NXPH1: variants seen among roughly 807,000 people sequenced by gnomAD.
NXPH1 encodes the protein neurexophilin-1.
In NXPH1, 5 loss-of-function variants were observed where a neutral mutation model predicts 23.7. That is an observed-to-expected ratio of 0.21 (90% confidence interval 0.11 to 0.44). NXPH1 has a LOEUF of 0.44. Ranked by LOEUF, NXPH1 falls within the 20% of genes least tolerant of loss-of-function variation. The probability of loss-of-function intolerance (pLI) is 0.99; values close to 1 mark genes in which losing one functional copy is unlikely to be tolerated. For missense variants in NXPH1, 324 were observed against 321.6 expected, an observed-to-expected ratio of 1.01 and a Z score of -0.06; for synonymous variants, 144 against 122.2, an observed-to-expected ratio of 1.18 and a Z score of -1.18.
chr7:8,498,757 G>C (rs1235930577), intron 2 of NXPH1, among the ~76,000 whole-genome samples: 2 of 151,958 alleles, frequency 1.3e-5, no homozygotes, highest in Non-Finnish European at 2.9e-5. Context: ...AAGTCCTAGG[G>C]GAAATATCTA....
intron 2 of NXPH1, among the ~76,000 whole-genome samples, chr7:8,485,070 T>C (rs571698678): frequency 1.3e-5 from 2 of 152,288 alleles, no homozygotes; most frequent in Admixed American, 1.3e-4. Context: ...ATTATGCCTC[T>C]TCTAACGTAA....
chr7:8,645,638 G>A (rs1020151515), intron 2 of NXPH1, among the ~76,000 whole-genome samples: 22 of 151,614 alleles, frequency 1.5e-4, no homozygotes, highest in African/African-American at 5.1e-4. Flanking sequence ...TTTCATCATG[G>A]TTTGGGCTTT....
rs534219294 is a variant in NXPH1, at chr7:8,511,007, C to G, written c.54+75240C>G. Among the ~76,000 whole-genome samples, 5 of 152,092 alleles carry G rather than the reference C, an allele frequency of 3.3e-5. 1 individual carries two copies. In the East Asian group the frequency reaches 9.7e-4, roughly 30 times the overall value. The stretch of plus-strand genomic sequence containing the variant: ...CTTCTCTGCTTCCCTGACCTTGGAT[C>G]AATAAAGGAGGGGTCAAAGTAGATG... On this transcript the variant is annotated intron_variant, in intron 2 of 2. Transcript: ENST00000405863.
chr7:8,553,302 A>C (rs777281373), intron 2 of NXPH1, among the ~76,000 whole-genome samples: 1 of 150,956 alleles, frequency 6.6e-6, no homozygotes, highest in Non-Finnish European at 1.5e-5. Context: ...CTTTTAATGA[A>C]AGTTCCAATT....
At chr7:8,526,864 T>A (rs2128616707) in intron 2 of NXPH1, among the ~76,000 whole-genome samples, 1 of 152,262 alleles carries the variant, frequency 6.6e-6, no homozygotes, top group Non-Finnish European at 1.5e-5. Flanking sequence ...CAGACTAATA[T>A]AATGTCTCAG....
chr7:8,471,497 A>T (rs879025872), intron 2 of NXPH1, among the ~76,000 whole-genome samples: 6 of 152,264 alleles, frequency 3.9e-5, no homozygotes, highest in Admixed American at 3.9e-4. Flanking sequence ...TGCTGAATCA[A>T]TGGCTGCTTT....
Position 8,435,376 on chromosome 7 carries a change from G to T in NXPH1, c.-110-228G>T, listed in dbSNP as rs12702750. The T allele has an allele frequency of 1.2e-5, 5 of 411,666 alleles. No individual in the cohort carries two copies. The highest frequency in any genetic ancestry group is 2.2e-5 in the Non-Finnish European group (5 of 224,976). 25.5% of individuals were successfully genotyped at this position (411,666 alleles called of 1,614,324 possible). On this transcript the variant is annotated intron_variant, in intron 1 of 2. Coordinates refer to ENST00000405863, the MANE Select transcript of NXPH1 (RefSeq NM_152745.3). This position sits in a 1 kb window ranked among gnomAD's most constrained non-coding sequence, Gnocchi z 5.9. ...AACTCGCACCCGAGGAGCGCAGGGG[G>T]CAAGGAGCCCCTCACCCTCCCTCTC...
intron 2 of NXPH1, among the ~76,000 whole-genome samples, chr7:8,729,538 T>C (rs1486109659): frequency 7.8e-6 from 1 of 128,046 alleles, no homozygotes; most frequent in Non-Finnish European, 1.6e-5. Context: ...TGGTATGTTG[T>C]GTCTTTGTTC....
At chr7:8,698,956 A>G (rs1341497372) in intron 2 of NXPH1, among the ~76,000 whole-genome samples, 1 of 152,144 alleles carries the variant, frequency 6.6e-6, no homozygotes, top group Non-Finnish European at 1.5e-5. Flanking sequence ...ATTGTAGTAG[A>G]GTATGCTGCT....
At chr7:8,579,846 C>T (rs571516100) in intron 2 of NXPH1, among the ~76,000 whole-genome samples, 2 of 152,296 alleles carry the variant, frequency 1.3e-5, no homozygotes, top group East Asian at 1.9e-4. Context: ...ATAGCCATCC[C>T]TATTAAATCC....
chr7:8,484,695 A>G (rs1256136445), intron 2 of NXPH1, among the ~76,000 whole-genome samples: 3 of 152,208 alleles, frequency 2.0e-5, no homozygotes, highest in Non-Finnish European at 4.4e-5. Context: ...ACTTTTGAGA[A>G]GTAGTAATAG....
chr7:8,571,021 CTAAT>C (rs1562406465), intron 2 of NXPH1, among the ~76,000 whole-genome samples: 12 of 1,646 alleles, frequency 7.3e-3, no homozygotes, highest in Non-Finnish European at 0.011. Flanking sequence ...GTCTGTCTAT[CTAAT>C]CTAATCTAAT....
At chr7:8,510,102 T>C (rs531552686) in intron 2 of NXPH1, among the ~76,000 whole-genome samples, 5 of 152,248 alleles carry the variant, frequency 3.3e-5, no homozygotes, top group South Asian at 4.1e-4. Context: ...TCTCTCAAGA[T>C]GGCTGGGAAA....
chr7:8,615,451 A>G (rs752524163), intron 2 of NXPH1, among the ~76,000 whole-genome samples: 5 of 152,050 alleles, frequency 3.3e-5, no homozygotes, highest in Admixed American at 3.3e-4. Context: ...TAAGCTTTCA[A>G]TAGATGTTAG....
intron 2 of NXPH1, among the ~76,000 whole-genome samples, chr7:8,656,125 T>G (rs1246807909): frequency 6.6e-6 from 1 of 152,222 alleles, no homozygotes; most frequent in Non-Finnish European, 1.5e-5. Context: ...TGGCTTCAGT[T>G]TATGTTTACA....
At chr7:8,739,787 T>C (rs1265249942) in intron 2 of NXPH1, among the ~76,000 whole-genome samples, 1 of 152,192 alleles carries the variant, frequency 6.6e-6, no homozygotes, top group African/African-American at 2.4e-5. Context: ...TTCTATAAAC[T>C]TTTTCTATTT....
At chr7:8,521,325 A>G (rs1817767945) in intron 2 of NXPH1, among the ~76,000 whole-genome samples, 1 of 152,182 alleles carries the variant, frequency 6.6e-6, no homozygotes. Context: ...GGGCTCATCT[A>G]CATCCAGTTT....
chr7:8,490,165 A>G (rs1470459901), intron 2 of NXPH1, among the ~76,000 whole-genome samples: 1 of 152,074 alleles, frequency 6.6e-6, no homozygotes, highest in Non-Finnish European at 1.5e-5. Context: ...CCAAATATTT[A>G]AATGCTTTTC....
intron 2 of NXPH1, among the ~76,000 whole-genome samples, chr7:8,652,833 G>A (rs10235610): frequency 6.6e-6 from 1 of 152,122 alleles, no homozygotes; most frequent in Non-Finnish European, 1.5e-5. Flanking sequence ...CCAACTATGA[G>A]TAACAATTCA....
Sources: allele counts gnomAD v4.1 joint callset (sites outside exome capture counted in the v4.1 genomes callset), GRCh38; gene constraint gnomAD v4.1.1; non-coding constraint Gnocchi (gnomAD v3.1); transcripts MANE v1.5; gene names NCBI Gene and HGNC (gene_info 2026-07-23, HGNC 2026-07-21).